Variants in TNS1 observed in about 807,000 individuals in gnomAD.
TNS1 encodes tensin 1.
TNS1 carries 62 observed loss-of-function variants against 168.6 expected under a neutral mutation model. The observed-to-expected ratio is 0.37, with a 90% CI of 0.30 to 0.45. The LOEUF (loss-of-function observed/expected upper bound fraction) is 0.45, where lower values mean the gene tolerates loss of function less well. TNS1 is among the 20% of genes least tolerant of loss of function. The pLI, the probability that TNS1 is intolerant of heterozygous loss-of-function variation, is 1.00. For missense variants in TNS1, 2,240 were observed against 2,339.4 expected (o/e 0.96, Z 0.88); for synonymous variants, 934 against 933.2 (o/e 1.00, Z -0.02).
chr2:217,888,726 T>G (rs1055826795), intron 12 of TNS1, among the ~76,000 whole-genome samples: 39 of 152,348 alleles, frequency 2.6e-4, no homozygotes, highest in Admixed American at 1.3e-3. Context: ...CATGTGAGAT[T>G]TGCCTTTCAC....
chr2:217,856,027 T>C (rs936372885), intron 18 of TNS1, among the ~76,000 whole-genome samples: 7 of 152,154 alleles, frequency 4.6e-5, no homozygotes, highest in African/African-American at 1.7e-4. Flanking sequence ...CCCTGGGAGA[T>C]CTGGTGAAAT....
At chr2:218,030,064 C>T (rs1451886655) in intron 1 of TNS1, among the ~76,000 whole-genome samples, 3 of 152,034 alleles carry the variant, frequency 2.0e-5, no homozygotes, top group African/African-American at 7.3e-5. Flanking sequence ...CCTGGCTGAC[C>T]GTCTCTAACT....
chr2:217,939,590 CTGGGGCCCCATAG>C (rs1184963093), intron 3 of TNS1, among the ~76,000 whole-genome samples: 1 of 152,244 alleles, frequency 6.6e-6, no homozygotes, highest in East Asian at 1.9e-4. Context: ...GGACCCAGGT[CTGGGGCCCCATAG>C]TGGCCAAAGG....
rs1391712223 is a variant in TNS1 at position 217,918,234 on chromosome 2, T to C, written c.228+1961A>G. On this transcript the variant is annotated intron_variant, in intron 4 of 32. Transcript: ENST00000682258. ...TAGGTACCGTCACTAACGTCCATTA[T>C]GAAGAAGAGAAACGGAGGTCCAGGG... Among the ~76,000 whole-genome samples the C allele has an allele frequency of 2.0e-5, 3 of 152,236 alleles. No individual in the cohort carries two copies. In the East Asian group the frequency reaches 5.8e-4, roughly 29 times the overall value.
intron 28 of TNS1, among the ~76,000 whole-genome samples, chr2:217,810,744 C>T (rs905570763): frequency 3.3e-5 from 5 of 152,096 alleles, no homozygotes; most frequent in African/African-American, 1.2e-4. Flanking sequence ...CCTAATTCCC[C>T]TAATTCATTA....
chr2:217,893,509 C>T lies in TNS1; in HGVS notation c.647G>A (p.Cys216Tyr). ...DLHTPALEKI[C>Y]SICKAMDTWL... ...TGTGTCCATGGCCTTACAGATGCTG[C>T]AGATCTTCTCCAGGGCTGGGGTGTG... Residue 216 changes from cysteine to tyrosine, a missense_variant, in exon 10 of 33, where the codon TGC becomes TAC. Physicochemically the swap from Cys to Tyr is radical, Grantham distance 194 (BLOSUM62 -2). Coordinates refer to ENST00000682258, the MANE Select transcript of TNS1 (RefSeq NM_001387777.1). 6.2e-7 allele frequency: 1 copy of T among 1,613,502 alleles called. No individual in the cohort carries two copies.
intron 3 of TNS1, among the ~76,000 whole-genome samples, chr2:217,961,429 G>A (rs576939901): frequency 2.0e-5 from 3 of 152,262 alleles, no homozygotes; most frequent in South Asian, 2.1e-4. Flanking sequence ...TCCCAGGTGT[G>A]TCCCCAGGAG....
intron 18 of TNS1, among the ~76,000 whole-genome samples, chr2:217,873,168 G>A (rs1405236202): frequency 6.6e-6 from 1 of 152,186 alleles, no homozygotes; most frequent in Non-Finnish European, 1.5e-5. Flanking sequence ...TTAAAGAGGT[G>A]AAGTTGTGGT....
rs1256940825 is a variant in TNS1 at position 218,002,978 on chromosome 2, C to G, written c.-106G>C. The stretch of plus-strand genomic sequence containing the variant: ...AGGGCTCTCTGAGTCCGCGGCTGCT[C>G]CGGCTCCGCCAGCATCTGCTGGGCC... On this transcript the variant is annotated 5_prime_UTR_variant, in exon 1 of 33. Transcript: ENST00000682258. 2.2e-6 allele frequency: 1 copy of G among 453,972 alleles called. No individual in the cohort carries two copies. The highest frequency in any genetic ancestry group is 2.0e-5 in the African/African-American group (1 of 49,968). 28.1% of individuals were successfully genotyped at this position (453,972 alleles called of 1,614,324 possible). A position where few individuals can be genotyped will look rare whatever the true frequency, so the allele number is the denominator to read the frequency against.
chr2:217,931,133 G>C (rs1275487843), intron 3 of TNS1, among the ~76,000 whole-genome samples: 1 of 152,190 alleles, frequency 6.6e-6, no homozygotes, highest in Non-Finnish European at 1.5e-5. Flanking sequence ...TGGCCCGGTG[G>C]GGGAGACAGG....
At chr2:217,991,721 C>A (rs1376956107) in intron 1 of TNS1, among the ~76,000 whole-genome samples, 1 of 152,100 alleles carries the variant, frequency 6.6e-6, no homozygotes, top group Non-Finnish European at 1.5e-5. Context: ...GATGGGCCTT[C>A]GCTTCTCTAA....
At chr2:217,920,793 C>T (rs1306452556) in intron 3 of TNS1, among the ~76,000 whole-genome samples, 1 of 152,098 alleles carries the variant, frequency 6.6e-6, no homozygotes, top group Non-Finnish European at 1.5e-5. Flanking sequence ...AAGGGACCCA[C>T]CAGCCCTTCC....
chr2:217,966,268 CGT>C (rs3838555), intron 3 of TNS1, among the ~76,000 whole-genome samples: 9,169 of 140,502 alleles, frequency 0.065, 308 homozygotes, highest in East Asian at 0.11. Flanking sequence ...GAGCAGGCTG[CGT>C]GTGTGTGTGT....
intron 2 of TNS1, 95 bp downstream of exon 2, chr2:217,990,847 A>C: frequency 2.7e-6 from 1 of 364,082 alleles, no homozygotes; most frequent in Non-Finnish European, 5.0e-6. Flanking sequence ...GACCCCAAGG[A>C]TGTGTGCACA....
chr2:217,885,901 C>T (rs77710066), intron 14 of TNS1, 82 bp from the exon 15 acceptor site: 98 of 1,550,556 alleles, frequency 6.3e-5, no homozygotes, highest in African/African-American at 2.9e-4. Flanking sequence ...GCTGCCCCTA[C>T]GCCACAGGGT....
intron 4 of TNS1, among the ~76,000 whole-genome samples, chr2:217,915,476 G>A (rs1954901845): frequency 6.6e-6 from 1 of 152,198 alleles, no homozygotes; most frequent in South Asian, 2.1e-4. Context: ...AAGGAACTCT[G>A]AAGCCCCAGC....
intron 4 of TNS1, among the ~76,000 whole-genome samples, chr2:217,909,146 C>T (rs2125803377): frequency 6.6e-6 from 1 of 151,364 alleles, no homozygotes; most frequent in East Asian, 2.0e-4. Flanking sequence ...CCTCTCTACC[C>T]TCCAGCCTCT....
In TNS1 at chr2:217,818,146, T is replaced by C. The variant is rs567383518; in HGVS notation, c.4186A>G (p.Ile1396Val). The C allele has an allele frequency of 1.9e-6, 3 of 1,613,676 alleles. No individual in the cohort carries two copies. The African/African-American group carries it at 4.0e-5, about 22-fold the overall frequency. The change falls in exon 24 of 33, where the codon ATA becomes GTA. Residue 1396 changes from isoleucine (I) to valine (V), a missense_variant. By Grantham distance (29) the Ile-to-Val change is conservative. Transcript: ENST00000682258. Reference sequence around the variant, plus strand: ...AGGCTGGGGCTTCCAGGGCTGGCTATTGCATTGCTATGAAGACCGGAGGCC... The same window carrying C: ...AGGCTGGGGCTTCCAGGGCTGGCTACTGCATTGCTATGAAGACCGGAGGCC... ...NLASGLHSNAIASPGSPSLGR... is the reference protein window; with the variant it reads ...NLASGLHSNAVASPGSPSLGR...
chr2:218,008,808 A>C (rs1958681403), intron 1 of TNS1, among the ~76,000 whole-genome samples: 1 of 152,214 alleles, frequency 6.6e-6, no homozygotes, highest in Non-Finnish European at 1.5e-5. Context: ...AAATCTCTCC[A>C]TCCCTACATA....
Sources: allele counts gnomAD v4.1 joint callset (sites outside exome capture counted in the v4.1 genomes callset), GRCh38; gene constraint gnomAD v4.1.1; transcripts MANE v1.5; gene names NCBI Gene and HGNC (gene_info 2026-07-23, HGNC 2026-07-21).